Variants in CYB5R4 observed in about 807,000 individuals in gnomAD.
The protein encoded by CYB5R4 is N-terminal cytochrome b5 and cytochrome b5 oxidoreductase domain-containing protein.
Under a neutral mutation model 70.2 loss-of-function variants are expected in CYB5R4, and 55 were observed. That is an observed-to-expected ratio of 0.78 (90% CI 0.63 to 0.98). The LOEUF (loss-of-function observed/expected upper bound fraction) is 0.98, where lower values mean the gene tolerates loss of function less well. Ranked by LOEUF, CYB5R4 falls within the 50% of genes least tolerant of loss-of-function variation. The pLI, the probability that CYB5R4 is intolerant of heterozygous loss-of-function variation, is 0.00. For synonymous variants in CYB5R4, 197 were observed against 199.5 expected (o/e 0.99, Z 0.11); for missense variants, 562 against 612.6 (o/e 0.92, Z 0.87).
intron 3 of CYB5R4, among the ~76,000 whole-genome samples, chr6:83,908,114 C>T (rs1001296110): frequency 1.3e-4 from 20 of 152,110 alleles, no homozygotes; most frequent in Admixed American, 2.0e-4. Flanking sequence ...TAAACATCCT[C>T]TTTTCTCCGC....
intron 4 of CYB5R4, among the ~76,000 whole-genome samples, chr6:83,913,162 A>T (rs2129138450): frequency 6.6e-6 from 1 of 152,316 alleles, no homozygotes; most frequent in African/African-American, 2.4e-5. Flanking sequence ...CACAACTGCA[A>T]CAGCAAAGAC....
At chr6:83,939,308 T>G (rs1562844108) in intron 12 of CYB5R4, among the ~76,000 whole-genome samples, 1 of 152,212 alleles carries the variant, frequency 6.6e-6, no homozygotes, top group Non-Finnish European at 1.5e-5. Context: ...TTTCTGAATC[T>G]AGTCCTAAAG....
At chr6:83,864,104 G>A (rs2129127377) in intron 1 of CYB5R4, 71 bp from the exon 2 acceptor site, 2 of 1,383,618 alleles carry the variant, frequency 1.4e-6, no homozygotes, top group Admixed American at 2.5e-5. Flanking sequence ...TTAGATTTGA[G>A]TTTTATTATC....
intron 2 of CYB5R4, among the ~76,000 whole-genome samples, chr6:83,865,536 C>A (rs1452801826): frequency 6.6e-6 from 1 of 152,136 alleles, no homozygotes; most frequent in African/African-American, 2.4e-5. Context: ...TAATATCTGA[C>A]TTCATCTTCA....
chr6:83,898,845 C>A (rs1013736892), intron 3 of CYB5R4, among the ~76,000 whole-genome samples: 4 of 152,136 alleles, frequency 2.6e-5, no homozygotes, highest in African/African-American at 9.7e-5. Flanking sequence ...AGTTGCTTAT[C>A]AGCTTAAGGA....
At chr6:83,936,199 A>G (rs2099468903) in intron 11 of CYB5R4, 25 bp from the exon 12 acceptor site, 1 of 1,508,116 alleles carries the variant, frequency 6.6e-7, no homozygotes. Flanking sequence ...GAATTTAATT[A>G]TTTTGCTGTG....
intron 12 of CYB5R4, among the ~76,000 whole-genome samples, chr6:83,937,190 G>A (rs1385217320): frequency 6.6e-6 from 1 of 151,960 alleles, no homozygotes; most frequent in Non-Finnish European, 1.5e-5. Context: ...CAGGAGAATC[G>A]CTTAAACCCG....
chr6:83,901,031 G>A (rs761330373), intron 3 of CYB5R4, among the ~76,000 whole-genome samples: 8 of 152,290 alleles, frequency 5.3e-5, no homozygotes, highest in Admixed American at 1.3e-4. Context: ...TACTTTGCTC[G>A]TTAGCTGATG....
chr6:83,943,763 T>G (rs1340160763), intron 14 of CYB5R4, among the ~76,000 whole-genome samples: 2 of 151,710 alleles, frequency 1.3e-5, no homozygotes, highest in Admixed American at 1.3e-4. Context: ...GAGAAGAACA[T>G]AAAAGACCTG....
chr6:83,904,546 A>G (rs1239170578), intron 3 of CYB5R4, among the ~76,000 whole-genome samples: 6 of 152,206 alleles, frequency 3.9e-5, no homozygotes, highest in African/African-American at 1.4e-4. Flanking sequence ...TGCTAGGTCC[A>G]TTGGTCTGAA....
chr6:83,929,784 T>A (rs1171969611), intron 10 of CYB5R4, among the ~76,000 whole-genome samples: 1 of 151,966 alleles, frequency 6.6e-6, no homozygotes, highest in African/African-American at 2.4e-5. Context: ...TAATATGGAG[T>A]CTTGGATCAC....
At chr6:83,940,665 T>C in intron 14 of CYB5R4, 64 bp downstream of exon 14, 1 of 1,508,200 alleles carries the variant, frequency 6.6e-7, no homozygotes. Flanking sequence ...CTATGCCTTA[T>C]CTTCTCTGGT....
chr6:83,934,337 CA>C lies in CYB5R4; in HGVS notation c.815-257del, dbSNP rs554452302. ...ATAATGGTTTAACATGCTATAATAA[CA>C]GATATGAGGAAATAACACTCATTAA... On this transcript the variant is annotated intron_variant, in intron 10 of 15. Coordinates refer to ENST00000369681, the MANE Select transcript of CYB5R4 (RefSeq NM_016230.4). 2.9e-4 allele frequency among the ~76,000 whole-genome samples: 44 copies of C among 151,068 alleles called. 3 individuals are homozygous for C. In the South Asian group the frequency reaches 7.9e-3, roughly 27 times the overall value.
At chr6:83,885,984 G>A (rs1483147306) in intron 2 of CYB5R4, among the ~76,000 whole-genome samples, 1 of 152,158 alleles carries the variant, frequency 6.6e-6, no homozygotes, top group Admixed American at 6.5e-5. Context: ...CTGTGCCTTA[G>A]TTCATTTTCT....
rs61532875 is a variant in CYB5R4, at chr6:83,870,443, G to GT, written c.229+6128dup. On this transcript the variant is annotated intron_variant, in intron 2 of 15. Coordinates refer to ENST00000369681, the MANE Select transcript of CYB5R4 (RefSeq NM_016230.4). Reference sequence around the variant, plus strand: ...AAAAATAGAGCTGATTTATCTAACCGTTTTTTTTTTTTTCCTAGGTTTCCT... The same window carrying GT: ...AAAAATAGAGCTGATTTATCTAACCGTTTTTTTTTTTTTTCCTAGGTTTCCT... 4.3e-3 allele frequency among the ~76,000 whole-genome samples: 604 copies of GT among 141,584 alleles called. 5 individuals are homozygous for GT. Among genetic ancestry groups the GT allele is most frequent in the African/African-American group, 0.011 (452 of 39,538 alleles). 92.9% of individuals were successfully genotyped at this position (141,584 alleles called of 152,430 possible). A position where few individuals can be genotyped will look rare whatever the true frequency, so the allele number is the denominator to read the frequency against.
At chr6:83,893,458 T>G in intron 2 of CYB5R4, 64 bp from the exon 3 acceptor site, 3 of 910,738 alleles carry the variant, frequency 3.3e-6, no homozygotes, top group Non-Finnish European at 5.2e-6. Context: ...GAAACTTATA[T>G]TTATAAGTTT....
Position 83,910,173 on chromosome 6 carries a change from G to T in CYB5R4, c.412+1083G>T. On this transcript the variant is annotated intron_variant, in intron 4 of 15. Coordinates refer to ENST00000369681, the MANE Select transcript of CYB5R4 (RefSeq NM_016230.4). Reference sequence around the variant, plus strand: ...TTCTTTTACTGTCACAGCACTGTGAGCAAGGACAAGACATCTATTGAATGG... The same window carrying T: ...TTCTTTTACTGTCACAGCACTGTGATCAAGGACAAGACATCTATTGAATGG... The T allele has an allele frequency of 3.8e-6, 6 of 1,568,146 alleles. No individual in the cohort carries two copies. In the South Asian group the frequency reaches 6.9e-5, roughly 18 times the overall value.
intron 3 of CYB5R4, among the ~76,000 whole-genome samples, chr6:83,898,366 G>A (rs199944689): frequency 0.14 from 20,724 of 151,760 alleles, 1,709 homozygotes; most frequent in Admixed American, 0.23. Flanking sequence ...GGTTACTGTA[G>A]CCTTGTAGTA....
chr6:83,893,682 G>T, intron 3 of CYB5R4, 60 bp downstream of exon 3: 1 of 974,736 alleles, frequency 1.0e-6, no homozygotes, highest in Non-Finnish European at 1.6e-6. Flanking sequence ...ATTTATCAGT[G>T]TGACATTTGT....
Sources: gnomAD v4.1 joint callset for allele counts (sites outside exome capture counted in the v4.1 genomes callset) on GRCh38, gnomAD v4.1.1 for gene constraint, MANE v1.5 for transcripts, NCBI Gene and HGNC (gene_info 2026-07-23, HGNC 2026-07-21) for gene names.